The following SH3KBP1 variants were observed in gnomAD, a reference collection of about 807,000 sequenced individuals.
SH3KBP1 encodes SH3 domain-containing kinase-binding protein 1.
Under a neutral mutation model 50.1 loss-of-function variants are expected in SH3KBP1, and 8 were observed. The ratio of observed to expected loss-of-function variants is 0.16; its 90% CI spans 0.09 to 0.29. The LOEUF is 0.29. SH3KBP1 is among the 10% of genes least tolerant of loss of function. SH3KBP1 has a pLI of 1.00. For missense variants in SH3KBP1, 377 were observed against 535.2 expected (o/e 0.70, Z 2.92); for synonymous variants, 227 against 218.6 (o/e 1.04, Z -0.34).
Position 19,791,431 on chromosome X carries a change from A to G in SH3KBP1, c.162+44694T>C, listed in dbSNP as rs1244390247. Among the ~76,000 whole-genome samples, 5 of 110,668 alleles carry G rather than the reference A, an allele frequency of 4.5e-5. No individual in the cohort carries two copies. The East Asian group carries it at 1.4e-3, about 31-fold the overall frequency. On this transcript the variant is annotated intron_variant, in intron 2 of 17. Transcript: ENST00000397821. ...TGATATAGAAAGATGCATTAAGTAG[A>G]AAAAAGCTACTTGGCTCACACATTG...
intron 8 of SH3KBP1, among the ~76,000 whole-genome samples, chrX:19,618,306 C>T (rs771298092): frequency 1.1e-4 from 12 of 105,970 alleles, no homozygotes; most frequent in Non-Finnish European, 2.1e-4. Flanking sequence ...ATCGCTTGAA[C>T]CCAGGAGGTG....
In SH3KBP1 at chrX:19,856,131, A is replaced by T. The variant is rs189879628; in HGVS notation, c.5-19849T>A. ...AAAAGGAAAGCTTTTAAAAAAAAAA[A>T]GGAGAGGAAATCTATCACTGCTGTT... is the stretch of plus-strand genomic sequence containing the variant. On this transcript the variant is annotated intron_variant, in intron 1 of 17. Coordinates refer to ENST00000397821, the MANE Select transcript of SH3KBP1 (RefSeq NM_031892.3). 3.9e-4 allele frequency among the ~76,000 whole-genome samples: 43 copies of T among 110,892 alleles called. 1 individual carries two copies. The East Asian group carries it at 0.012, about 31-fold the overall frequency.
intron 2 of SH3KBP1, among the ~76,000 whole-genome samples, chrX:19,781,420 C>T (rs5955578): frequency 0.03 from 3,319 of 110,269 alleles, 123 homozygotes; most frequent in African/African-American, 0.096. Context: ...GAGTTCTAGA[C>T]CAGCCTAGGC....
At chrX:19,686,299 T>C (rs1239646876) in intron 5 of SH3KBP1, among the ~76,000 whole-genome samples, 1 of 112,010 alleles carries the variant, frequency 8.9e-6, no homozygotes, top group African/African-American at 3.2e-5. Context: ...ATTTTCATGT[T>C]CATTTAGTGA....
At chrX:19,708,020 A>C (rs187615837) in intron 3 of SH3KBP1, among the ~76,000 whole-genome samples, 1 of 113,261 alleles carries the variant, frequency 8.8e-6, no homozygotes, top group East Asian at 2.8e-4. Context: ...ATGACTTCAA[A>C]GAAACACATT....
intron 1 of SH3KBP1, 34 bp from the exon 2 acceptor site, chrX:19,836,316 T>C: frequency 1.7e-6 from 2 of 1,171,654 alleles, no homozygotes; most frequent in South Asian, 1.8e-5. Context: ...GTAATTTAGG[T>C]CAGATGTTGG....
At chrX:19,638,083 A>G (rs1174600401) in intron 7 of SH3KBP1, among the ~76,000 whole-genome samples, 1 of 106,265 alleles carries the variant, frequency 9.4e-6, no homozygotes, top group Non-Finnish European at 1.9e-5. Flanking sequence ...TCTCCAAAAC[A>G]AAACAAAACA....
intron 1 of SH3KBP1, among the ~76,000 whole-genome samples, chrX:19,874,087 A>ATAT (rs1207906391): frequency 1.0e-5 from 1 of 95,292 alleles, no homozygotes; most frequent in Non-Finnish European, 2.0e-5. Flanking sequence ...ATATATATAT[A>ATAT]AAACTCTAAA....
At chrX:19,560,667 G>C (rs1325203528) in intron 13 of SH3KBP1, among the ~76,000 whole-genome samples, 1 of 111,295 alleles carries the variant, frequency 9.0e-6, no homozygotes, top group Non-Finnish European at 1.9e-5. Context: ...AGGTACAATG[G>C]TGTGCTTGAT....
chrX:19,641,100 C>A (rs1030510878), intron 7 of SH3KBP1, among the ~76,000 whole-genome samples: 1 of 111,724 alleles, frequency 9.0e-6, no homozygotes, highest in Non-Finnish European at 1.9e-5. Flanking sequence ...TTTGTTTGTG[C>A]GTTTTGTCCA....
At chrX:19,767,178 T>C (rs12012955) in intron 2 of SH3KBP1, among the ~76,000 whole-genome samples, 2,856 of 112,157 alleles carry the variant, frequency 0.025, 95 homozygotes, top group African/African-American at 0.087. Context: ...CTAAGGGTAC[T>C]GGTAAGAACA....
chrX:19,643,527 C>A (rs1182818148), intron 7 of SH3KBP1, among the ~76,000 whole-genome samples: 1 of 108,301 alleles, frequency 9.2e-6, no homozygotes, highest in Admixed American at 9.9e-5. Context: ...AGCTGTGAAC[C>A]ACTGTGCCCA....
rs746619692 is a variant in SH3KBP1 at position 19,854,408 on chromosome X, G to A, written c.5-18126C>T. ...TGGGATTACTGGTGTGAGCCACCAC[G>A]CCCAGCCGGCAGCTATTTCTTTAAA... On this transcript the variant is annotated intron_variant, in intron 1 of 17. Transcript: ENST00000397821. Among the ~76,000 whole-genome samples the A allele has an allele frequency of 2.7e-5, 3 of 111,521 alleles. No individual in the cohort carries two copies. In the South Asian group the frequency reaches 1.1e-3, roughly 42 times the overall value.
At chrX:19,801,481 G>A (rs1175704665) in intron 2 of SH3KBP1, among the ~76,000 whole-genome samples, 1 of 112,039 alleles carries the variant, frequency 8.9e-6, no homozygotes, top group Non-Finnish European at 1.9e-5. Context: ...TAACTAACCG[G>A]GTAGCCAAGA....
At chrX:19,605,171 C>T (rs754350331) in intron 9 of SH3KBP1, among the ~76,000 whole-genome samples, 6 of 110,515 alleles carry the variant, frequency 5.4e-5, no homozygotes, top group Non-Finnish European at 9.5e-5. Flanking sequence ...TACTGCCCCC[C>T]CCCAAGACAT....
chrX:19,622,844 AC>A (rs1452818996), intron 8 of SH3KBP1, among the ~76,000 whole-genome samples: 45 of 111,692 alleles, frequency 4.0e-4, no homozygotes, highest in African/African-American at 1.3e-3. Context: ...GGAGTTCAAG[AC>A]CAGCCTGGCC....
intron 1 of SH3KBP1, among the ~76,000 whole-genome samples, chrX:19,876,400 G>C (rs1298012739): frequency 9.0e-6 from 1 of 111,339 alleles, no homozygotes; most frequent in Non-Finnish European, 1.9e-5. Flanking sequence ...ACCTAGATGG[G>C]TTAAGATCCA....
chrX:19,806,655 T>C (rs761316550), intron 2 of SH3KBP1, among the ~76,000 whole-genome samples: 2 of 111,611 alleles, frequency 1.8e-5, no homozygotes, highest in South Asian at 7.5e-4. Context: ...AATAACACTG[T>C]ATAGTATTCT....
At chrX:19,728,401 C>T (rs1373843009) in intron 3 of SH3KBP1, among the ~76,000 whole-genome samples, 1 of 112,054 alleles carries the variant, frequency 8.9e-6, no homozygotes, top group African/African-American at 3.2e-5. Flanking sequence ...CACATCTCAC[C>T]ACCTGCCCAA....
Sources: allele counts gnomAD v4.1 joint callset (sites outside exome capture counted in the v4.1 genomes callset), GRCh38; gene constraint gnomAD v4.1.1; transcripts MANE v1.5; gene names NCBI Gene and HGNC (gene_info 2026-07-23, HGNC 2026-07-21).